Variants in PTPRN2 observed in about 807,000 individuals in gnomAD.
The protein encoded by PTPRN2 is protein tyrosine phosphatase receptor type N2, also known as receptor-type tyrosine-protein phosphatase N2.
In PTPRN2, 74 loss-of-function variants were observed where a neutral mutation model predicts 118.8. That is an observed-to-expected ratio of 0.62 (90% CI 0.52 to 0.76). PTPRN2 has a LOEUF of 0.76. Among genes scored for constraint, PTPRN2 ranks in the 30% least tolerant of loss-of-function variants. PTPRN2 has a pLI of 0.00. For missense variants in PTPRN2, 1,481 were observed against 1,394.4 expected (o/e 1.06, Z -0.99); for synonymous variants, 641 against 608.0 (o/e 1.05, Z -0.80).
intron 3 of PTPRN2, among the ~76,000 whole-genome samples, chr7:158,206,186 G>A (rs1181199246): frequency 3.9e-5 from 6 of 152,178 alleles, no homozygotes. Flanking sequence ...TCTCCTTGAG[G>A]AGAGGAGAGG....
At chr7:157,940,641 CACCCTCCCCACCGTGACACT>C (rs1800001887) in intron 11 of PTPRN2, among the ~76,000 whole-genome samples, 1 of 148,510 alleles carries the variant, frequency 6.7e-6, no homozygotes, top group Non-Finnish European at 1.5e-5. Context: ...GCAAATCTAA[CACCCTCCCCACCGTGACACT>C]GCAAATCTAA....
chr7:158,089,854 G>A (rs1171068961), intron 10 of PTPRN2, among the ~76,000 whole-genome samples: 5 of 117,308 alleles, frequency 4.3e-5, no homozygotes, highest in African/African-American at 1.5e-4. Context: ...GAAAGAGGGA[G>A]TCTTCACACA....
chr7:158,450,899 T>G (rs942724435), intron 2 of PTPRN2, among the ~76,000 whole-genome samples: 1 of 152,156 alleles, frequency 6.6e-6, no homozygotes, highest in African/African-American at 2.4e-5. Context: ...AACACACCTC[T>G]CCACATTCCA....
intron 9 of PTPRN2, among the ~76,000 whole-genome samples, chr7:158,114,619 G>T (rs896180098): frequency 2.6e-5 from 4 of 152,180 alleles, no homozygotes; most frequent in Non-Finnish European, 2.9e-5. Context: ...AGCGGCCCCC[G>T]GCAGCCTCTA....
chr7:157,766,184 A>AATCC (rs775536701), intron 12 of PTPRN2, among the ~76,000 whole-genome samples: 1,208 of 116,214 alleles, frequency 0.01, 15 homozygotes, highest in African/African-American at 0.03. Flanking sequence ...TCTGTCCACC[A>AATCC]ATCCATCCAT....
chr7:157,795,312 T>C (rs1804802812), intron 12 of PTPRN2, among the ~76,000 whole-genome samples: 1 of 152,198 alleles, frequency 6.6e-6, no homozygotes, highest in Non-Finnish European at 1.5e-5. Flanking sequence ...CCCTCACCTA[T>C]GCACCTGGGA....
At chr7:158,270,946 CCCACCTGGACCACCCCT>C (rs1242017350) in intron 3 of PTPRN2, among the ~76,000 whole-genome samples, 1,818 of 12,264 alleles carry the variant, frequency 0.15, 408 homozygotes, top group African/African-American at 0.23. Context: ...GGACCACCCC[CCCACCTGGACCACCCCT>C]CCACCTGGAC....
At chr7:157,889,386 T>C (rs1049798366) in intron 12 of PTPRN2, among the ~76,000 whole-genome samples, 1 of 152,122 alleles carries the variant, frequency 6.6e-6, no homozygotes, top group Admixed American at 6.5e-5. Flanking sequence ...ATTCCTGATA[T>C]CCACCAAGTG....
intron 6 of PTPRN2, among the ~76,000 whole-genome samples, chr7:158,155,334 A>G (rs569761012): frequency 2.6e-5 from 4 of 152,336 alleles, no homozygotes; most frequent in Admixed American, 2.6e-4. Flanking sequence ...GACAATGGGA[A>G]TCATGCACAA....
intron 12 of PTPRN2, among the ~76,000 whole-genome samples, chr7:157,718,521 A>T (rs1799046823): frequency 6.6e-6 from 1 of 151,704 alleles, no homozygotes; most frequent in South Asian, 2.1e-4. Context: ...CCCTGAGGTG[A>T]GTCTCAGCAT....
intron 2 of PTPRN2, among the ~76,000 whole-genome samples, chr7:158,487,552 T>C (rs1390136063): frequency 6.6e-6 from 1 of 152,144 alleles, no homozygotes; most frequent in Admixed American, 6.5e-5. Context: ...TATCCAAGCT[T>C]GATAAGATTA....
chr7:158,264,024 A>G (rs913740448), intron 3 of PTPRN2, among the ~76,000 whole-genome samples: 1 of 152,022 alleles, frequency 6.6e-6, no homozygotes, highest in Non-Finnish European at 1.5e-5. Context: ...TGCCACTCTC[A>G]CGCTTCCCAC....
intron 3 of PTPRN2, among the ~76,000 whole-genome samples, chr7:158,289,156 T>C (rs1038787654): frequency 2.0e-5 from 3 of 152,218 alleles, no homozygotes; most frequent in Non-Finnish European, 4.4e-5. Flanking sequence ...TATAGTCTTA[T>C]TTGGATTCAA....
intron 13 of PTPRN2, among the ~76,000 whole-genome samples, chr7:157,663,595 C>A (rs1796000637): frequency 6.6e-6 from 1 of 152,184 alleles, no homozygotes; most frequent in African/African-American, 2.4e-5. Flanking sequence ...GCTGTGTGGC[C>A]CCTTTCTGGG....
intron 11 of PTPRN2, among the ~76,000 whole-genome samples, chr7:158,052,252 G>A (rs1338301660): frequency 6.6e-6 from 1 of 152,180 alleles, no homozygotes; most frequent in Non-Finnish European, 1.5e-5. Context: ...ATAAGTGATC[G>A]CCTTTGATGT....
chr7:158,110,590 G>T (rs187381615), intron 10 of PTPRN2, among the ~76,000 whole-genome samples: 303 of 152,300 alleles, frequency 2.0e-3, no homozygotes, highest in Admixed American at 4.8e-3. Context: ...CAGCACCAAA[G>T]GTTTGACACT....
At chr7:158,162,525 C>T (rs1822450191) in intron 6 of PTPRN2, among the ~76,000 whole-genome samples, 1 of 152,112 alleles carries the variant, frequency 6.6e-6, no homozygotes, top group Non-Finnish European at 1.5e-5. Context: ...GTTCCAACTC[C>T]AGGACATTCA....
chr7:157,950,027 T>C (rs1262844571), intron 11 of PTPRN2, among the ~76,000 whole-genome samples: 1 of 152,258 alleles, frequency 6.6e-6, no homozygotes, highest in Admixed American at 6.5e-5. Flanking sequence ...GAGATGCTTT[T>C]TATTTAGCTT....
intron 1 of PTPRN2, among the ~76,000 whole-genome samples, chr7:158,550,973 G>A (rs913792654): frequency 6.6e-6 from 1 of 152,164 alleles, no homozygotes; most frequent in Non-Finnish European, 1.5e-5. Flanking sequence ...TCCAGAACTG[G>A]CATTTGTGAC....
Sources: allele counts gnomAD v4.1 joint callset (sites outside exome capture counted in the v4.1 genomes callset), GRCh38; gene constraint gnomAD v4.1.1; transcripts MANE v1.5; gene names NCBI Gene and HGNC (gene_info 2026-07-23, HGNC 2026-07-21).